Variants in THADA observed in about 807,000 individuals in gnomAD.
THADA encodes the protein THADA armadillo repeat containing, also known as tRNA (32-2'-O)-methyltransferase regulator THADA.
A neutral mutation model predicts 219.8 loss-of-function variants in THADA; 213 were observed. That is an observed-to-expected ratio of 0.97 (90% CI 0.87 to 1.09). The LOEUF (loss-of-function observed/expected upper bound fraction) is 1.09. Ranked by LOEUF, THADA falls within the 50% of genes least tolerant of loss-of-function variation. The pLI is 0.00. For synonymous variants in THADA, 1,018 were observed against 828.9 expected, an observed-to-expected ratio of 1.23 and a Z score of -3.92; for missense variants, 2,956 against 2,311.3, an observed-to-expected ratio of 1.28 and a Z score of -5.72.
At position 43,323,229 on chromosome 2, in the gene THADA, C is replaced by A. The variant is rs532293118; in HGVS notation, c.4344-2689G>T. 3.0e-4 allele frequency among the ~76,000 whole-genome samples: 46 copies of A among 152,150 alleles called. No homozygotes were observed. The South Asian group carries it at 9.3e-3, about 31-fold the overall frequency. The stretch of plus-strand genomic sequence containing the variant: ...TGATCATGGCTCACTGTAGCCTCAA[C>A]CTCCTGGGCTCAAGCAATCCTCCCA... On this transcript the variant is annotated intron_variant, in intron 30 of 37. Coordinates refer to ENST00000405975, the MANE Select transcript of THADA (RefSeq NM_022065.5).
chr2:43,350,809 T>C (rs1668168014), intron 29 of THADA, among the ~76,000 whole-genome samples: 1 of 152,212 alleles, frequency 6.6e-6, no homozygotes, highest in Non-Finnish European at 1.5e-5. Flanking sequence ...GTTTATTGGG[T>C]AAGAATACAT....
At chr2:43,451,372 C>CTT (rs141043159) in intron 26 of THADA, among the ~76,000 whole-genome samples, 1 of 152,322 alleles carries the variant, frequency 6.6e-6, no homozygotes, top group East Asian at 1.9e-4. Flanking sequence ...TTCCAACCTA[C>CTT]AGAAGCACAT....
chr2:43,291,473 A>AAAAAAAAAAAAAAAAAAAAAC (rs1558527804), intron 34 of THADA, among the ~76,000 whole-genome samples: 1 of 146,736 alleles, frequency 6.8e-6, no homozygotes, highest in African/African-American at 2.5e-5. Context: ...AAAAAAAAAA[A>AAAAAAAAAAAAAAAAAAAAAC]AAAAAAAAAT....
intron 35 of THADA, among the ~76,000 whole-genome samples, chr2:43,286,660 G>A (rs147246559): frequency 6.6e-6 from 1 of 152,074 alleles, no homozygotes; most frequent in Non-Finnish European, 1.5e-5. Flanking sequence ...AGGAGGTGGA[G>A]GTTGCACTAA....
chr2:43,548,558 A>C (rs1459295887), intron 20 of THADA, among the ~76,000 whole-genome samples: 4 of 152,138 alleles, frequency 2.6e-5, no homozygotes, highest in African/African-American at 9.7e-5. Flanking sequence ...TTACCTAAGC[A>C]AGCCTGGGCA....
chr2:43,549,376 A>T lies in THADA; in HGVS notation c.2948-8T>A. On this transcript the variant is annotated splice_region_variant and splice_polypyrimidine_tract_variant and intron_variant, in intron 19 of 37. Coordinates refer to ENST00000405975, the MANE Select transcript of THADA (RefSeq NM_022065.5). The stretch of plus-strand genomic sequence containing the variant: ...GTAAGCGGCTTGCTGACTCTGAGGG[A>T]AAGAAATGAGCGTACATGAAACCCA... 1 of 1,598,568 alleles carries T rather than the reference A, an allele frequency of 6.3e-7. No individual in the cohort carries two copies. The highest frequency in any genetic ancestry group is 8.5e-7 in the Non-Finnish European group (1 of 1,173,260).
chr2:43,405,107 G>C (rs1439032292), intron 28 of THADA, among the ~76,000 whole-genome samples: 2 of 152,230 alleles, frequency 1.3e-5, no homozygotes, highest in African/African-American at 4.8e-5. Context: ...GAAAGGAGAG[G>C]AGGCTTGAGT....
At chr2:43,233,692 A>G (rs552025456) in intron 36 of THADA, among the ~76,000 whole-genome samples, 1 of 152,012 alleles carries the variant, frequency 6.6e-6, no homozygotes, top group African/African-American at 2.4e-5. Context: ...CCTTGGGGAA[A>G]CCATTGCTTA....
intron 30 of THADA, among the ~76,000 whole-genome samples, chr2:43,327,774 C>T (rs1332800513): frequency 6.6e-6 from 1 of 152,092 alleles, no homozygotes; most frequent in Admixed American, 6.5e-5. Context: ...CCCCTAAAAA[C>T]CAACTCACTT....
At chr2:43,545,666 TG>T (rs1423471133) in intron 20 of THADA, among the ~76,000 whole-genome samples, 1 of 152,148 alleles carries the variant, frequency 6.6e-6, no homozygotes, top group African/African-American at 2.4e-5. Flanking sequence ...TGCGTAGAAG[TG>T]TTTGTAGTAT....
At chr2:43,340,328 C>A (rs1458547029) in intron 30 of THADA, among the ~76,000 whole-genome samples, 1 of 152,224 alleles carries the variant, frequency 6.6e-6, no homozygotes, top group Non-Finnish European at 1.5e-5. Flanking sequence ...CCCAACAACT[C>A]CATGGCTATT....
intron 26 of THADA, among the ~76,000 whole-genome samples, chr2:43,482,419 T>C (rs1686339960): frequency 6.6e-6 from 1 of 152,160 alleles, no homozygotes; most frequent in Non-Finnish European, 1.5e-5. Flanking sequence ...TACATCATTT[T>C]ACCAAACTTA....
chr2:43,430,230 TAC>T lies in THADA; in HGVS notation c.3907_3908del (p.Val1303SerfsTer7). The T allele has an allele frequency of 6.5e-7, 1 of 1,545,452 alleles. No homozygotes were observed. The highest frequency in any genetic ancestry group is 2.0e-5 in the Admixed American group (1 of 50,122). On this transcript the variant is annotated frameshift_variant, in exon 27 of 38. Coordinates refer to ENST00000405975, the MANE Select transcript of THADA (RefSeq NM_022065.5). LOFTEE classifies it high-confidence loss of function. ...YPFLLKQLET[V>X]ANTVDSDMGE... is the part of the protein sequence containing the mutation. The stretch of plus-strand genomic sequence containing the variant: ...CTTCTTACCTGTCTACTGTATTGGC[TAC>T]AGTTTCCAACTGTTTGAGAAGAAAA...
Position 43,591,957 on chromosome 2 carries a change from T to C in THADA, c.166A>G (p.Lys56Glu). ...TDGVSQIHYI[K>E]QIVPLLEKAD... is the part of the protein sequence containing the mutation. ...GAATATCAATTCAGACTTACCTGTTTAATATAATGGATTTGTGACACTCCA... is the reference window on the plus strand; with the variant it reads ...GAATATCAATTCAGACTTACCTGTTCAATATAATGGATTTGTGACACTCCA... Residue 56 changes from lysine to glutamate, a missense_variant, in exon 3 of 38, where the codon AAA (lysine) becomes GAA (glutamate). By Grantham distance (56) the Lys-to-Glu change is moderately conservative (BLOSUM62 1). Coordinates refer to ENST00000405975, the MANE Select transcript of THADA (RefSeq NM_022065.5). 1 of 1,537,814 alleles carries C rather than the reference T, an allele frequency of 6.5e-7. No individual in the cohort carries two copies.
chr2:43,508,556 G>T, intron 23 of THADA, 92 bp downstream of exon 23: 2 of 1,285,724 alleles, frequency 1.6e-6, no homozygotes, highest in South Asian at 1.6e-5. Context: ...TCCTTTATGT[G>T]TAATACGCTC....
rs1450118319 is a variant in THADA at position 43,541,233 on chromosome 2, A to G, written c.3190T>C (p.Leu1064=). Residue 1064 remains leucine, a synonymous_variant, in exon 21 of 38, where the codon TTA becomes CTA. Coordinates refer to ENST00000405975, the MANE Select transcript of THADA (RefSeq NM_022065.5). ...WRSMKEVALL[L]GMLCQLLPMQ... ...GGCAGAAGCTGGCACAACATGCCTA[A>G]AAGTAAAGCAACTTCCTTCATACTT... 11 of 1,611,742 alleles carry G rather than the reference A, an allele frequency of 6.8e-6. No homozygotes were observed. Among genetic ancestry groups the G allele is most frequent in the East Asian group, 6.7e-5 (3 of 44,790 alleles).
At chr2:43,297,581 C>A (rs1407203566) in intron 31 of THADA, among the ~76,000 whole-genome samples, 2 of 98,442 alleles carry the variant, frequency 2.0e-5, no homozygotes, top group Non-Finnish European at 4.0e-5. Context: ...CCAGCCGTGC[C>A]GTCCGGGAGG....
rs553541106 is a variant in THADA at position 43,593,850 on chromosome 2, G to T, written c.-24-1434C>A. Reference sequence around the variant, plus strand: ...GGGTTTCATCATGTTAGCCAGGATGGTCTCGATCTCCTGACCTCGTGATCC... The same window carrying T: ...GGGTTTCATCATGTTAGCCAGGATGTTCTCGATCTCCTGACCTCGTGATCC... On this transcript the variant is annotated intron_variant, in intron 1 of 37. Coordinates refer to ENST00000405975, the MANE Select transcript of THADA (RefSeq NM_022065.5). 1.1e-4 allele frequency among the ~76,000 whole-genome samples: 16 copies of T among 152,134 alleles called. No homozygotes were observed. In the South Asian group the frequency reaches 3.3e-3, roughly 32 times the overall value.
intron 10 of THADA, 36 bp from the exon 11 acceptor site, chr2:43,575,063 C>G (rs1699715682): frequency 7.0e-7 from 1 of 1,431,568 alleles, no homozygotes; most frequent in South Asian, 1.5e-5. Context: ...TTATTGTAAA[C>G]TGATTAGTAA....
Sources: gnomAD v4.1 joint callset for allele counts (sites outside exome capture counted in the v4.1 genomes callset) on GRCh38, gnomAD v4.1.1 for gene constraint, MANE v1.5 for transcripts, NCBI Gene and HGNC (gene_info 2026-07-23, HGNC 2026-07-21) for gene names.